The following DCC variants were observed in gnomAD, a reference collection of about 807,000 sequenced individuals.
The protein encoded by DCC is netrin receptor DCC.
In DCC, 58 loss-of-function variants were observed where a neutral mutation model predicts 172.5. That is an observed-to-expected ratio of 0.34 (90% confidence interval 0.27 to 0.42). DCC has a LOEUF of 0.42. Ranked by LOEUF, DCC falls within the 10% of genes least tolerant of loss-of-function variation. The probability of loss-of-function intolerance (pLI) is 1.00; values close to 1 mark genes in which losing one functional copy is unlikely to be tolerated. For synonymous variants in DCC, 709 were observed against 644.5 expected (o/e 1.10, Z -1.52); for missense variants, 1,740 against 1,791.0 (o/e 0.97, Z 0.51).
intron 1 of DCC, among the ~76,000 whole-genome samples, chr18:52,531,793 A>T (rs2032159080): frequency 6.6e-6 from 1 of 152,062 alleles, no homozygotes; most frequent in African/African-American, 2.4e-5. Context: ...TATTGTCATT[A>T]CTTTCTCCGA....
chr18:53,309,943 T>TATATAC (rs1555650583), intron 13 of DCC, among the ~76,000 whole-genome samples: 1 of 132,638 alleles, frequency 7.5e-6, no homozygotes, highest in African/African-American at 2.9e-5. Flanking sequence ...TATATATATA[T>TATATAC]ACATGTATAT....
At chr18:53,151,112 C>T (rs1202023288) in intron 7 of DCC, among the ~76,000 whole-genome samples, 9 of 152,154 alleles carry the variant, frequency 5.9e-5, no homozygotes. Flanking sequence ...CTTCAATTAA[C>T]ATTGAATGGA....
At chr18:52,413,877 G>A (rs1986925408) in intron 1 of DCC, among the ~76,000 whole-genome samples, 1 of 152,068 alleles carries the variant, frequency 6.6e-6, no homozygotes, top group Non-Finnish European at 1.5e-5. Flanking sequence ...AAAGCACTGG[G>A]TACTTATGCA....
intron 1 of DCC, among the ~76,000 whole-genome samples, chr18:52,524,535 A>T (rs1335298301): frequency 5.9e-5 from 9 of 152,256 alleles, no homozygotes. Flanking sequence ...TATACACAGC[A>T]GCAAGTATTT....
chr18:52,536,132 G>C (rs1249247322), intron 1 of DCC, among the ~76,000 whole-genome samples: 3 of 152,160 alleles, frequency 2.0e-5, no homozygotes, highest in African/African-American at 7.2e-5. Context: ...TAGAGGAAGG[G>C]AACGGGGCTA....
intron 2 of DCC, chr18:52,892,538 T>C (rs2039666054): frequency 1.3e-5 from 2 of 152,258 alleles, no homozygotes; most frequent in South Asian, 4.1e-4. Context: ...GGGGAGTAAG[T>C]ACAGAACAAA....
intron 5 of DCC, among the ~76,000 whole-genome samples, chr18:52,998,082 CAATTAA>C (rs1260484278): frequency 2.6e-4 from 39 of 149,526 alleles, no homozygotes; most frequent in African/African-American, 5.8e-4. Flanking sequence ...CTGCACATGG[CAATTAA>C]AATTAAAATT....
chr18:52,870,171 T>G (rs1266860526), intron 2 of DCC, among the ~76,000 whole-genome samples: 2 of 152,034 alleles, frequency 1.3e-5, no homozygotes, highest in Non-Finnish European at 2.9e-5. Context: ...CAGATCTGCC[T>G]CCTCCTTGCA....
chr18:52,726,168 A>T (rs2036548887), intron 1 of DCC, among the ~76,000 whole-genome samples: 1 of 152,204 alleles, frequency 6.6e-6, no homozygotes, highest in African/African-American at 2.4e-5. Flanking sequence ...ATGACTAGTG[A>T]CATTGTTTCT....
intron 12 of DCC, among the ~76,000 whole-genome samples, chr18:53,244,225 T>C (rs183678911): frequency 2.6e-5 from 4 of 152,284 alleles, no homozygotes; most frequent in South Asian, 2.1e-4. Context: ...CTGAAAAATA[T>C]TTCCCTTTAA....
chr18:53,432,610 C>T (rs1911688724), intron 21 of DCC, among the ~76,000 whole-genome samples: 2 of 152,124 alleles, frequency 1.3e-5, no homozygotes, highest in African/African-American at 2.4e-5. Context: ...CAGCAACAAG[C>T]TCTTAAAAAT....
At chr18:53,224,388 C>T (rs779447810) in intron 12 of DCC, among the ~76,000 whole-genome samples, 23 of 152,134 alleles carry the variant, frequency 1.5e-4, no homozygotes, top group African/African-American at 1.7e-4. Context: ...TGCTGGGTTC[C>T]GGCCAGATCT....
chr18:53,448,829 G>A (rs1568138504), intron 22 of DCC, among the ~76,000 whole-genome samples: 1 of 152,150 alleles, frequency 6.6e-6, no homozygotes. Context: ...CTCCAGCATG[G>A]GTGATAGAGC....
In DCC at chr18:52,988,289, C is replaced by A. The variant is rs545431940; in HGVS notation, c.985+62919C>A. ...TAAAAAAAAAAAATCAGTCTTTCCT[C>A]TTACTTTATACAATTATTAAACAGA... On this transcript the variant is annotated intron_variant, in intron 5 of 28. Transcript: ENST00000442544. 8.6e-5 allele frequency among the ~76,000 whole-genome samples: 13 copies of A among 151,900 alleles called. No homozygotes were observed. In the East Asian group the frequency reaches 2.5e-3, roughly 29 times the overall value.
chr18:53,523,770 T>C (rs1289282934), intron 27 of DCC, among the ~76,000 whole-genome samples: 1 of 151,768 alleles, frequency 6.6e-6, no homozygotes, highest in Non-Finnish European at 1.5e-5. Flanking sequence ...GGCAGGGGGC[T>C]GGGGGAGGGA....
At chr18:53,227,699 C>T (rs1371632977) in intron 12 of DCC, among the ~76,000 whole-genome samples, 2 of 152,140 alleles carry the variant, frequency 1.3e-5, no homozygotes, top group Non-Finnish European at 2.9e-5. Context: ...CTTAATGCAA[C>T]TGGTGGAAAT....
At chr18:52,994,064 A>C (rs1415411496) in intron 5 of DCC, among the ~76,000 whole-genome samples, 1 of 152,092 alleles carries the variant, frequency 6.6e-6, no homozygotes, top group African/African-American at 2.4e-5. Flanking sequence ...AGGAATCTCA[A>C]CTTAGGTAAG....
At chr18:52,556,712 A>G (rs1290886230) in intron 1 of DCC, among the ~76,000 whole-genome samples, 2 of 151,996 alleles carry the variant, frequency 1.3e-5, no homozygotes, top group Non-Finnish European at 2.9e-5. Context: ...GAACATGCTT[A>G]ATGGCAACAC....
chr18:53,362,094 T>G (rs2057954115), intron 15 of DCC, among the ~76,000 whole-genome samples: 1 of 152,184 alleles, frequency 6.6e-6, no homozygotes. Context: ...GATACAATAA[T>G]AATTAAATTC....
Sources: allele counts gnomAD v4.1 joint callset (sites outside exome capture counted in the v4.1 genomes callset), GRCh38; gene constraint gnomAD v4.1.1; transcripts MANE v1.5; gene names NCBI Gene and HGNC (gene_info 2026-07-23, HGNC 2026-07-21).